CCDC180: variants seen among roughly 807,000 people sequenced by gnomAD.
The protein encoded by CCDC180 is coiled-coil domain containing 180, also known as coiled-coil domain-containing protein 180.
Under a neutral mutation model 209.2 loss-of-function variants are expected in CCDC180, and 154 were observed. The observed-to-expected ratio is 0.74, with a 90% CI of 0.65 to 0.84. CCDC180 has a LOEUF of 0.84. Among genes scored for constraint, CCDC180 ranks in the 40% least tolerant of loss-of-function variants. The pLI, the probability that CCDC180 is intolerant of heterozygous loss-of-function variation, is 0.00. For synonymous variants in CCDC180, 778 were observed against 749.1 expected (o/e 1.04, Z -0.63); for missense variants, 1,874 against 1,997.3 (o/e 0.94, Z 1.18).
chr9:97,334,153 C>T (rs776592222), intron 18 of CCDC180, among the ~76,000 whole-genome samples: 5 of 152,210 alleles, frequency 3.3e-5, no homozygotes, highest in Non-Finnish European at 7.4e-5. Context: ...ATTAATTATT[C>T]TCTTTTTAGA....
Position 97,314,740 on chromosome 9 carries a change from G to A in CCDC180, c.699+12G>A, listed in dbSNP as rs986523565. 9 of 1,611,598 alleles carry A rather than the reference G, an allele frequency of 5.6e-6. No homozygotes were observed. Among genetic ancestry groups the A allele is most frequent in the Non-Finnish European group, 7.6e-6 (9 of 1,178,290 alleles). ...CCCGAACCGATAAAGTAAGTCGGCT[G>A]CAGGTGGGCTGTGTGGTGACTGTCA... On this transcript the variant is annotated intron_variant, in intron 7 of 36. Coordinates refer to ENST00000529487, the MANE Select transcript of CCDC180 (RefSeq NM_020893.6).
rs1201506744 is a variant in CCDC180 at position 97,307,839 on chromosome 9, C to A, written c.-82+33C>A. 2.5e-6 allele frequency: 4 copies of A among 1,613,182 alleles called. No homozygotes were observed. The East Asian group carries it at 8.9e-5, about 36-fold the overall frequency. ...TCATCGTTTCGTTGAAAGTTAAAAC[C>A]CTAAGTCGACGTTCCCCAGCCGCCT... On this transcript the variant is annotated intron_variant, in intron 1 of 36. Coordinates refer to ENST00000529487, the MANE Select transcript of CCDC180 (RefSeq NM_020893.6).
rs757638352 is a variant in CCDC180 at position 97,366,738 on chromosome 9, G to A, written c.4189+38G>A. On this transcript the variant is annotated intron_variant, in intron 31 of 36. Transcript: ENST00000529487. This position sits in a 1 kb window ranked among gnomAD's most constrained non-coding sequence, Gnocchi z 4.3. ...AGCAGGAAGGCACGGGGAACAGGGCGGGGCGCGAAGCCAGTGGTGGAGCTC... is the reference window on the plus strand; with the variant it reads ...AGCAGGAAGGCACGGGGAACAGGGCAGGGCGCGAAGCCAGTGGTGGAGCTC... 51 of 1,604,894 alleles carry A rather than the reference G, an allele frequency of 3.2e-5. No homozygotes were observed. Among genetic ancestry groups the A allele is most frequent in the African/African-American group, 4.0e-5 (3 of 74,702 alleles).
intron 22 of CCDC180, among the ~76,000 whole-genome samples, chr9:97,353,220 C>T (rs1826474475): frequency 1.3e-5 from 2 of 152,158 alleles, no homozygotes; most frequent in African/African-American, 4.8e-5. Context: ...TGGTCTTGAA[C>T]TCCTGACCTC....
chr9:97,342,491 G>A (rs999984049), intron 18 of CCDC180, among the ~76,000 whole-genome samples: 1 of 152,094 alleles, frequency 6.6e-6, no homozygotes, highest in Non-Finnish European at 1.5e-5. Flanking sequence ...TGTTGCCCAG[G>A]CTGGTCTCGA....
chr9:97,325,160 C>A lies in CCDC180; in HGVS notation c.1513C>A (p.Gln505Lys). The A allele has an allele frequency of 6.2e-7, 1 of 1,606,432 alleles. No homozygotes were observed. The highest frequency in any genetic ancestry group is 1.1e-5 in the South Asian group (1 of 89,672). Residue 505 changes from glutamine to lysine, a missense_variant, in exon 14 of 37, where the codon CAG becomes AAG. Gln to Lys is a moderately conservative substitution (Grantham distance 53). Transcript: ENST00000529487. ...QELELEKRME[Q>K]HRQKHSLESQ... ...GCTGGAGCTGGAGAAGAGGATGGAG[C>A]AGCACCGGCAGAAGCACAGCCTGGA...
chr9:97,307,966 C>A lies in CCDC180; in HGVS notation c.-81-17C>A. 2 of 1,582,880 alleles carry A rather than the reference C, an allele frequency of 1.3e-6. No homozygotes were observed. The highest frequency in any genetic ancestry group is 2.3e-5 in the South Asian group (2 of 85,784). ...GACCTGAACCTGAGTTTGGGACGGGCGATTTCCCAACCTCAGGAATTGGAA... is the reference window on the plus strand; with the variant it reads ...GACCTGAACCTGAGTTTGGGACGGGAGATTTCCCAACCTCAGGAATTGGAA... On this transcript the variant is annotated splice_polypyrimidine_tract_variant and intron_variant, in intron 1 of 36. Coordinates refer to ENST00000529487, the MANE Select transcript of CCDC180 (RefSeq NM_020893.6).
At position 97,311,037 on chromosome 9, in the gene CCDC180, C is replaced by A. The variant is rs577886443; in HGVS notation, c.261-1076C>A. ...TGGCAGAGCCAGGGCACCCTGTCTC[C>A]CTCAGGCGTCAAAGCAAAGGGTGCA... On this transcript the variant is annotated intron_variant, in intron 3 of 36. Coordinates refer to ENST00000529487, the MANE Select transcript of CCDC180 (RefSeq NM_020893.6). Among the ~76,000 whole-genome samples the A allele has an allele frequency of 4.2e-4, 64 of 152,278 alleles. 1 individual carries two copies. The highest frequency in any genetic ancestry group is 5.1e-4 in the Non-Finnish European group (35 of 68,006).
At chr9:97,359,618 CAT>C in intron 25 of CCDC180, among the ~76,000 whole-genome samples, 1 of 152,120 alleles carries the variant, frequency 6.6e-6, no homozygotes, top group Non-Finnish European at 1.5e-5. Context: ...TCCTTCTAAA[CAT>C]AGAATGTGAG....
intron 18 of CCDC180, among the ~76,000 whole-genome samples, chr9:97,332,289 GAAGTC>G (rs887727975): frequency 7.2e-5 from 11 of 152,174 alleles, no homozygotes; most frequent in Non-Finnish European, 1.5e-4. Context: ...AGTATAGTTT[GAAGTC>G]AAGTAACATG....
At position 97,314,349 on chromosome 9, in the gene CCDC180, A is replaced by G. The variant is rs368874884; in HGVS notation, c.460-44A>G. ...TGACAGGGAAGGCTCCCTCCTTCCC[A>G]GGGGTGCTGATGCCTTGGCCATCAT... On this transcript the variant is annotated intron_variant, in intron 5 of 36. Transcript: ENST00000529487. 55 of 1,611,708 alleles carry G rather than the reference A, an allele frequency of 3.4e-5. No homozygotes were observed. In the Middle Eastern group the frequency reaches 4.9e-4, roughly 14 times the overall value.
At chr9:97,310,348 G>A (rs1018807431) in intron 3 of CCDC180, among the ~76,000 whole-genome samples, 5 of 152,186 alleles carry the variant, frequency 3.3e-5, no homozygotes, top group Non-Finnish European at 7.4e-5. Flanking sequence ...GAGCTCCTGA[G>A]AGCCCTTGGT....
intron 32 of CCDC180, 117 bp downstream of exon 32, chr9:97,370,199 A>G (rs1827040045): frequency 8.7e-7 from 1 of 1,149,646 alleles, no homozygotes; most frequent in East Asian, 2.5e-5. Context: ...TTGGCTTGGG[A>G]TTTTTGGATG....
chr9:97,320,983 G>A (rs1406733960), intron 11 of CCDC180, among the ~76,000 whole-genome samples: 1 of 152,122 alleles, frequency 6.6e-6, no homozygotes, highest in African/African-American at 2.4e-5. Context: ...CTCTTTTTCT[G>A]GGGGCTGTGG....
intron 18 of CCDC180, 77 bp downstream of exon 18, chr9:97,330,844 C>T (rs1056176687): frequency 2.6e-5 from 36 of 1,382,650 alleles, no homozygotes; most frequent in Admixed American, 6.3e-5. Flanking sequence ...CTAGTGTAAG[C>T]TGGGGTCTTC....
intron 18 of CCDC180, among the ~76,000 whole-genome samples, chr9:97,338,904 A>G (rs1016248669): frequency 2.0e-5 from 3 of 152,038 alleles, no homozygotes; most frequent in Non-Finnish European, 4.4e-5. Context: ...TCCCTTTACC[A>G]TTATGTAATG....
At chr9:97,370,525 C>A in intron 32 of CCDC180, 116 bp from the exon 33 acceptor site, 5 of 1,213,792 alleles carry the variant, frequency 4.1e-6, no homozygotes, top group Middle Eastern at 2.0e-4. Flanking sequence ...CCATCACCCC[C>A]ACACACCCAG....
chr9:97,326,172 A>G (rs1051679595), intron 14 of CCDC180, among the ~76,000 whole-genome samples: 2 of 152,184 alleles, frequency 1.3e-5, no homozygotes, highest in African/African-American at 4.8e-5. Context: ...CTGCTCTCAC[A>G]CAGTCCAGGA....
chr9:97,314,723 G>A lies in CCDC180; in HGVS notation c.694G>A (p.Asp232Asn), dbSNP rs145581112. ...GCACTCGCTGGAGTTCTCCCGAACC[G>A]ATAAAGTAAGTCGGCTGCAGGTGGG... ...ALHSLEFSRT[D>N]KLKSVLKKYA... Residue 232 changes from aspartate (D) to asparagine (N), a missense_variant, in exon 7 of 37, where the codon GAT becomes AAT. By Grantham distance (23) the Asp-to-Asn change is conservative. Transcript: ENST00000529487. 9 of 1,613,378 alleles carry A rather than the reference G, an allele frequency of 5.6e-6. No homozygotes were observed. Among genetic ancestry groups the A allele is most frequent in the East Asian group, 2.2e-5 (1 of 44,888 alleles).
Sources: allele counts gnomAD v4.1 joint callset (sites outside exome capture counted in the v4.1 genomes callset), GRCh38; gene constraint gnomAD v4.1.1; non-coding constraint Gnocchi (gnomAD v3.1); transcripts MANE v1.5; gene names NCBI Gene and HGNC (gene_info 2026-07-23, HGNC 2026-07-21).